Variants in GINS1 observed in about 807,000 individuals in gnomAD.
GINS1 encodes DNA replication complex GINS protein PSF1.
Under a neutral mutation model 34.9 loss-of-function variants are expected in GINS1, and 26 were observed. The ratio of observed to expected loss-of-function variants is 0.74; its 90% confidence interval spans 0.55 to 1.03. The LOEUF (loss-of-function observed/expected upper bound fraction) is 1.03, where lower values mean the gene tolerates loss of function less well. GINS1 is among the 50% of genes least tolerant of loss of function. The pLI is 0.00. For synonymous variants in GINS1, 97 were observed against 84.4 expected, an observed-to-expected ratio of 1.15 and a Z score of -0.82; for missense variants, 235 against 237.9, an observed-to-expected ratio of 0.99 and a Z score of 0.08.
Position 25,417,214 on chromosome 20 carries a change from A to C in GINS1, c.239+12A>C. The stretch of plus-strand genomic sequence containing the variant: ...ACTGTAGCATACCTGTAAGCTTCTC[A>C]GTTTTTGCTTGGGGTGGCAGGATTT... On this transcript the variant is annotated intron_variant, in intron 3 of 6. Coordinates refer to ENST00000262460, the MANE Select transcript of GINS1 (RefSeq NM_021067.5). The C allele has an allele frequency of 2.0e-5, 28 of 1,394,908 alleles. 1 individual carries two copies. The highest frequency in any genetic ancestry group is 4.6e-5 in the East Asian group (2 of 43,172). The allele number at this position is 1,394,908 out of a possible 1,614,324, so 86.4% of individuals were successfully genotyped here. A position where few individuals can be genotyped will look rare whatever the true frequency, so the allele number is the denominator to read the frequency against.
At chr20:25,445,600 G>A (rs969439831) in intron 6 of GINS1, among the ~76,000 whole-genome samples, 3 of 152,162 alleles carry the variant, frequency 2.0e-5, no homozygotes, top group African/African-American at 7.2e-5. Flanking sequence ...ACCCGCCTCG[G>A]CCTCCCAAAG....
chr20:25,410,718 TGC>T (rs1454408316), intron 1 of GINS1, among the ~76,000 whole-genome samples: 1 of 152,002 alleles, frequency 6.6e-6, no homozygotes, highest in African/African-American at 2.4e-5. Flanking sequence ...CCTGCCACCA[TGC>T]CCAGATAATT....
chr20:25,445,522 C>A (rs112622081), intron 6 of GINS1, among the ~76,000 whole-genome samples: 1 of 152,026 alleles, frequency 6.6e-6, no homozygotes, highest in South Asian at 2.1e-4. Flanking sequence ...AATTTTTTTG[C>A]ATTTTTAGTA....
intron 5 of GINS1, among the ~76,000 whole-genome samples, chr20:25,431,262 T>A (rs1365751231): frequency 6.6e-6 from 1 of 152,198 alleles, no homozygotes; most frequent in Admixed American, 6.5e-5. Context: ...GTCCTCACTT[T>A]CATTTTTGAT....
At chr20:25,415,491 C>G (rs955440489) in intron 2 of GINS1, among the ~76,000 whole-genome samples, 1 of 152,134 alleles carries the variant, frequency 6.6e-6, no homozygotes, top group African/African-American at 2.4e-5. Context: ...AGCTCGAGAC[C>G]AGCCTGACCA....
intron 2 of GINS1, 99 bp from the exon 3 acceptor site, chr20:25,417,005 G>C: frequency 1.7e-6 from 1 of 599,968 alleles, no homozygotes; most frequent in South Asian, 2.1e-5. Context: ...ATCACAAATG[G>C]ATTAAAAACA....
chr20:25,429,071 C>T (rs1276513527), intron 5 of GINS1, among the ~76,000 whole-genome samples: 1 of 148,292 alleles, frequency 6.7e-6, no homozygotes, highest in Non-Finnish European at 1.5e-5. Flanking sequence ...TCACTGCAAC[C>T]TCCACCTCCT....
intron 6 of GINS1, 108 bp downstream of exon 6, chr20:25,441,884 G>A: frequency 1.6e-6 from 1 of 632,670 alleles, no homozygotes; most frequent in Non-Finnish European, 2.8e-6. Context: ...TTATATATTA[G>A]GCATTATCTT....
At chr20:25,416,959 G>A (rs1477063386) in intron 2 of GINS1, 145 bp from the exon 3 acceptor site, 13 of 536,546 alleles carry the variant, frequency 2.4e-5, no homozygotes, top group Non-Finnish European at 3.9e-5. Context: ...AAGCTCTGAT[G>A]TACAAATAGT....
chr20:25,439,959 C>T (rs966090213), intron 5 of GINS1, among the ~76,000 whole-genome samples: 2 of 150,356 alleles, frequency 1.3e-5, no homozygotes, highest in Non-Finnish European at 3.0e-5. Flanking sequence ...CACACCACTG[C>T]ACTCTAGCCT....
At chr20:25,435,928 T>C (rs2090452861) in intron 5 of GINS1, among the ~76,000 whole-genome samples, 1 of 149,940 alleles carries the variant, frequency 6.7e-6, no homozygotes, top group Non-Finnish European at 1.5e-5. Flanking sequence ...TTCTCCTGCC[T>C]CAGCCTCTCA....
At chr20:25,430,633 C>T (rs761962369) in intron 5 of GINS1, among the ~76,000 whole-genome samples, 15 of 152,244 alleles carry the variant, frequency 9.9e-5, no homozygotes, top group African/African-American at 2.2e-4. Flanking sequence ...TGGGTTCAAG[C>T]GATTCTCCTG....
intron 5 of GINS1, among the ~76,000 whole-genome samples, chr20:25,436,022 C>G (rs2090453501): frequency 1.3e-5 from 2 of 150,486 alleles, no homozygotes; most frequent in African/African-American, 4.9e-5. Flanking sequence ...CGGGGTTTCA[C>G]CATGTTAGCC....
intron 4 of GINS1, among the ~76,000 whole-genome samples, chr20:25,421,771 A>C (rs7264886): frequency 0.021 from 3,155 of 152,228 alleles, 100 homozygotes; most frequent in African/African-American, 0.071. Context: ...TCTGTGAATG[A>C]GACTGAATGA....
intron 6 of GINS1, among the ~76,000 whole-genome samples, chr20:25,445,000 T>C (rs1418667294): frequency 6.6e-6 from 1 of 152,238 alleles, no homozygotes; most frequent in Non-Finnish European, 1.5e-5. Flanking sequence ...GTTGAGCCAG[T>C]GATAATCCAA....
intron 4 of GINS1, among the ~76,000 whole-genome samples, chr20:25,421,170 C>T (rs1450836861): frequency 6.6e-6 from 1 of 152,180 alleles, no homozygotes; most frequent in Non-Finnish European, 1.5e-5. Flanking sequence ...CTCAAAGCTT[C>T]AGTCCTTCAT....
intron 3 of GINS1, among the ~76,000 whole-genome samples, chr20:25,417,808 C>G (rs1161417105): frequency 6.6e-6 from 1 of 152,054 alleles, no homozygotes; most frequent in Non-Finnish European, 1.5e-5. Flanking sequence ...GAACGGAGAT[C>G]GTGCCATTGC....
At chr20:25,442,612 T>TA (rs975844256) in intron 6 of GINS1, among the ~76,000 whole-genome samples, 4 of 50,518 alleles carry the variant, frequency 7.9e-5, no homozygotes, top group Admixed American at 1.7e-4. Context: ...TTATTATTAT[T>TA]TTTTTTTTTT....
At chr20:25,424,423 G>A (rs888080851) in intron 4 of GINS1, among the ~76,000 whole-genome samples, 1 of 152,104 alleles carries the variant, frequency 6.6e-6, no homozygotes, top group African/African-American at 2.4e-5. Context: ...TATTATTTAG[G>A]TCTTTCATTG....
Sources: allele counts gnomAD v4.1 joint callset (sites outside exome capture counted in the v4.1 genomes callset), GRCh38; gene constraint gnomAD v4.1.1; transcripts MANE v1.5; gene names NCBI Gene and HGNC (gene_info 2026-07-23, HGNC 2026-07-21).